The following NFATC1 variants were observed in gnomAD, a reference collection of about 807,000 sequenced individuals.
NFATC1 encodes nuclear factor of activated T-cells, cytoplasmic 1.
NFATC1 carries 22 observed loss-of-function variants against 76.0 expected under a neutral mutation model. That is an observed-to-expected ratio of 0.29 (90% CI 0.21 to 0.41). NFATC1 has a LOEUF of 0.41. Among genes scored for constraint, NFATC1 ranks in the 10% least tolerant of loss-of-function variants. The pLI, the probability that NFATC1 is intolerant of heterozygous loss-of-function variation, is 1.00. For synonymous variants in NFATC1, 704 were observed against 613.1 expected (o/e 1.15, Z -2.19); for missense variants, 1,357 against 1,337.7 (o/e 1.01, Z -0.23).
intron 9 of NFATC1, among the ~76,000 whole-genome samples, chr18:79,488,298 T>TG (rs1491433858): frequency 1.4e-5 from 2 of 141,010 alleles, no homozygotes; most frequent in Non-Finnish European, 1.5e-5. Flanking sequence ...GCAGCCCTGG[T>TG]TGTGTGTGTG....
In NFATC1 at chr18:79,411,512, AGCGCG is replaced by A. The variant is rs1430868751; in HGVS notation, c.1226+13_1226+17del. ...TACGTCCTACATGAGGTGAGCCGGCAGCGCGGGGCGGGACGGGGAGGCGAGGGGAG... is the reference window on the plus strand; with the variant it reads ...TACGTCCTACATGAGGTGAGCCGGCAGGGCGGGACGGGGAGGCGAGGGGAG... On this transcript the variant is annotated intron_variant, in intron 2 of 9. Coordinates refer to ENST00000427363, the MANE Select transcript of NFATC1 (RefSeq NM_001278669.2). 1.4e-6 allele frequency: 2 copies of A among 1,462,738 alleles called. No individual in the cohort carries two copies. Among genetic ancestry groups the A allele is most frequent in the African/African-American group, 2.9e-5 (2 of 68,744 alleles). The allele number at this position is 1,462,738 out of a possible 1,614,324, so 90.6% of individuals were successfully genotyped here.
chr18:79,400,277 GAC>G (rs2085149036), intron 1 of NFATC1: 1 of 1,182,256 alleles, frequency 8.5e-7, no homozygotes, highest in Non-Finnish European at 1.1e-6. Flanking sequence ...GCGGGGCGGG[GAC>G]GGGGGGAGGG....
rs749564813 is a variant in NFATC1, at chr18:79,411,003, G to A, written c.728G>A (p.Arg243His). The change falls in exon 2 of 10, where the codon CGC becomes CAC. Residue 243 changes from arginine to histidine, a missense_variant. Physicochemically the swap from Arg to His is conservative, Grantham distance 29 (BLOSUM62 0). Transcript: ENST00000427363. Reference sequence around the variant, plus strand: ...CGGCACTCCCCCTCCACCTCGCCCCGCGCCAGCGTCACTGAGGAGAGCTGG... The same window carrying A: ...CGGCACTCCCCCTCCACCTCGCCCCACGCCAGCGTCACTGAGGAGAGCTGG... ...SPRHSPSTSP[R>H]ASVTEESWLG... The A allele has an allele frequency of 2.2e-5, 36 of 1,609,894 alleles. No homozygotes were observed. Among genetic ancestry groups the A allele is most frequent in the African/African-American group, 4.0e-5 (3 of 74,808 alleles).
chr18:79,410,294 T>TGG lies in NFATC1; in HGVS notation c.128-106_128-105dup. ...GGGACGTTTGCTGAGGCCCGCTCCT[T>TGG]GGGGTCCGTTGGTCGAGGCCGGGGG... On this transcript the variant is annotated intron_variant, in intron 1 of 9. Coordinates refer to ENST00000427363, the MANE Select transcript of NFATC1 (RefSeq NM_001278669.2). The surrounding 1 kb of genome is among the most constrained non-coding windows in gnomAD (Gnocchi z 6.7). The TGG allele has an allele frequency of 6.6e-7, 1 of 1,505,040 alleles. No individual in the cohort carries two copies. The highest frequency in any genetic ancestry group is 2.3e-5 in the East Asian group (1 of 44,040). 93.2% of individuals were successfully genotyped at this position (1,505,040 alleles called of 1,614,324 possible).
At chr18:79,526,456 C>T (rs1035483455) in intron 9 of NFATC1, among the ~76,000 whole-genome samples, 7 of 152,230 alleles carry the variant, frequency 4.6e-5, no homozygotes, top group Non-Finnish European at 1.0e-4. Flanking sequence ...AGCTCCCACA[C>T]GGGACAGAGT....
At chr18:79,438,026 G>A (rs748129557) in intron 3 of NFATC1, among the ~76,000 whole-genome samples, 4 of 152,232 alleles carry the variant, frequency 2.6e-5, no homozygotes, top group Non-Finnish European at 5.9e-5. Context: ...CTTTCTGGGC[G>A]TGAAGGTGGA....
chr18:79,507,158 C>G (rs1246612196), intron 9 of NFATC1, among the ~76,000 whole-genome samples: 1 of 152,262 alleles, frequency 6.6e-6, no homozygotes, highest in Non-Finnish European at 1.5e-5. Flanking sequence ...CGTCCCACCC[C>G]AGAGGTGAAG....
intron 2 of NFATC1, among the ~76,000 whole-genome samples, chr18:79,427,148 G>A (rs1425335421): frequency 2.6e-5 from 4 of 152,200 alleles, no homozygotes; most frequent in African/African-American, 4.8e-5. Flanking sequence ...GCAGCCCTTC[G>A]TGTACCCACG....
chr18:79,416,017 G>A (rs765498465), intron 2 of NFATC1, among the ~76,000 whole-genome samples: 43 of 152,218 alleles, frequency 2.8e-4, no homozygotes, highest in African/African-American at 5.1e-4. Context: ...AGCTGAGGTC[G>A]TGCCACTGCA....
Position 79,527,584 on chromosome 18 carries a change from C to T in NFATC1, c.*7C>T. 1 of 1,613,314 alleles carries T rather than the reference C, an allele frequency of 6.2e-7. No homozygotes were observed. Among genetic ancestry groups the T allele is most frequent in the South Asian group, 1.1e-5 (1 of 91,066 alleles). On this transcript the variant is annotated 3_prime_UTR_variant, in exon 10 of 10. Coordinates refer to ENST00000427363, the MANE Select transcript of NFATC1 (RefSeq NM_001278669.2). ...CACGAGCACCCACTCCTAGTTGCCA[C>T]ATTGGAGCACTCAGTTCAGCAGGGG...
intron 9 of NFATC1, among the ~76,000 whole-genome samples, chr18:79,508,919 C>T (rs549831526): frequency 6.8e-6 from 1 of 147,652 alleles, no homozygotes; most frequent in Non-Finnish European, 1.5e-5. Context: ...TCTCTCATGG[C>T]GGCCTTTTCT....
At chr18:79,469,358 TGAC>T in intron 8 of NFATC1, 17 of 985,466 alleles carry the variant, frequency 1.7e-5, no homozygotes, top group Non-Finnish European at 2.0e-5. Flanking sequence ...TGAGCAGCAC[TGAC>T]TTTAGCACAG....
At chr18:79,431,055 G>A (rs1045450771) in intron 2 of NFATC1, among the ~76,000 whole-genome samples, 1 of 152,342 alleles carries the variant, frequency 6.6e-6, no homozygotes, top group Middle Eastern at 3.4e-3. Flanking sequence ...ATGAAGCTGC[G>A]TCTTGGAGAT....
intron 1 of NFATC1, among the ~76,000 whole-genome samples, chr18:79,408,832 C>T (rs1005509815): frequency 6.6e-6 from 1 of 151,508 alleles, no homozygotes; most frequent in Admixed American, 6.6e-5. Context: ...CATCATCCAT[C>T]CATCCATCAT....
chr18:79,446,208 C>T (rs770729110), intron 3 of NFATC1, among the ~76,000 whole-genome samples: 22 of 152,108 alleles, frequency 1.4e-4, no homozygotes, highest in Non-Finnish European at 2.9e-4. Context: ...TAGATGTTTA[C>T]CTCCCAGGTG....
chr18:79,459,611 C>CTGAAGTTG (rs1211169200), intron 6 of NFATC1, among the ~76,000 whole-genome samples: 1 of 152,186 alleles, frequency 6.6e-6, no homozygotes, highest in Non-Finnish European at 1.5e-5. Flanking sequence ...CCTAGGGAAG[C>CTGAAGTTG]TGAAGTTGTG....
intron 8 of NFATC1, among the ~76,000 whole-genome samples, chr18:79,478,940 C>T (rs988079593): frequency 4.6e-5 from 7 of 152,200 alleles, no homozygotes; most frequent in Non-Finnish European, 8.8e-5. Context: ...CAGCTCTGCA[C>T]GCCGCTGACC....
intron 2 of NFATC1, among the ~76,000 whole-genome samples, chr18:79,432,763 A>C (rs940003856): frequency 1.3e-5 from 2 of 152,222 alleles, no homozygotes; most frequent in East Asian, 3.9e-4. Flanking sequence ...GTGTTGAGAC[A>C]GTCTGCCTGG....
chr18:79,519,813 G>A (rs571714783), intron 9 of NFATC1, among the ~76,000 whole-genome samples: 2 of 152,192 alleles, frequency 1.3e-5, no homozygotes, highest in South Asian at 4.1e-4. Flanking sequence ...TTCCTTCTGT[G>A]GGTCTTTCCT....
Sources: allele counts gnomAD v4.1 joint callset (sites outside exome capture counted in the v4.1 genomes callset), GRCh38; gene constraint gnomAD v4.1.1; non-coding constraint Gnocchi (gnomAD v3.1); transcripts MANE v1.5; gene names NCBI Gene and HGNC (gene_info 2026-07-23, HGNC 2026-07-21).